RASGEF1A: variants seen among roughly 807,000 people sequenced by gnomAD.
RASGEF1A encodes the protein ras-GEF domain-containing family member 1A.
A neutral mutation model predicts 56.4 loss-of-function variants in RASGEF1A; 18 were observed. The ratio of observed to expected loss-of-function variants is 0.32; its 90% CI spans 0.22 to 0.47. The LOEUF is 0.47. RASGEF1A is among the 20% of genes least tolerant of loss of function. The probability of loss-of-function intolerance (pLI) is 1.00; values close to 1 mark genes in which losing one functional copy is unlikely to be tolerated. For missense variants in RASGEF1A, 422 were observed against 627.1 expected (o/e 0.67, Z 3.49); for synonymous variants, 245 against 242.6 (o/e 1.01, Z -0.09).
chr10:43,228,691 C>T (rs1840315594), intron 1 of RASGEF1A, among the ~76,000 whole-genome samples: 1 of 152,202 alleles, frequency 6.6e-6, no homozygotes, highest in South Asian at 2.1e-4. Flanking sequence ...TGCTAGCTCT[C>T]CTACATTGCT....
intron 1 of RASGEF1A, among the ~76,000 whole-genome samples, chr10:43,227,369 C>T (rs1272245263): frequency 6.6e-6 from 1 of 150,676 alleles, no homozygotes; most frequent in African/African-American, 2.4e-5. Flanking sequence ...CCCCAGTGCC[C>T]CCTGCATCCT....
At chr10:43,234,670 A>G (rs1840409139) in intron 1 of RASGEF1A, among the ~76,000 whole-genome samples, 1 of 152,224 alleles carries the variant, frequency 6.6e-6, no homozygotes, top group Non-Finnish European at 1.5e-5. Context: ...TTACTGGGCC[A>G]CACCACACAG....
rs1196664312 is a variant in RASGEF1A at position 43,194,872 on chromosome 10, A to G, written c.*1372T>C. On this transcript the variant is annotated 3_prime_UTR_variant, in exon 13 of 13. Transcript: ENST00000395810. ...CAATCTGTACTAGCTAGAACCTCAG[A>G]AAGTGCAAACACACTGTGACAATAC... 1 of 152,680 alleles carries G rather than the reference A, an allele frequency of 6.5e-6. No individual in the cohort carries two copies. The highest frequency in any genetic ancestry group is 1.5e-5 in the Non-Finnish European group (1 of 68,060). The allele number at this position is 152,680 out of a possible 1,614,324, so 9.5% of individuals were successfully genotyped here.
chr10:43,199,615 T>A, intron 7 of RASGEF1A, 61 bp downstream of exon 7: 1 of 1,328,832 alleles, frequency 7.5e-7, no homozygotes, highest in South Asian at 1.2e-5. Context: ...TGGGGCAAGA[T>A]CAGGGTCTCA....
intron 1 of RASGEF1A, among the ~76,000 whole-genome samples, chr10:43,254,620 T>G (rs1322176813): frequency 6.6e-6 from 1 of 152,132 alleles, no homozygotes; most frequent in African/African-American, 2.4e-5. Flanking sequence ...GGGCCTCAGC[T>G]GCTGGCAGAA....
At chr10:43,229,528 G>A in intron 1 of RASGEF1A, 2 of 922,024 alleles carry the variant, frequency 2.2e-6, no homozygotes, top group Non-Finnish European at 1.6e-6. Context: ...CTCAGGGCGG[G>A]CACCCTCCCG....
chr10:43,241,059 A>G (rs1237740819), intron 1 of RASGEF1A, among the ~76,000 whole-genome samples: 1 of 152,254 alleles, frequency 6.6e-6, no homozygotes, highest in Non-Finnish European at 1.5e-5. Flanking sequence ...CCTGCCTTAT[A>G]AGAACTACTA....
At chr10:43,202,812 C>T (rs1252957040) in intron 3 of RASGEF1A, 2 of 434,380 alleles carry the variant, frequency 4.6e-6, no homozygotes, top group Admixed American at 4.8e-5. Context: ...AGACCTCACC[C>T]CAGCCTGGTG....
Position 43,196,206 on chromosome 10 carries a change from T to A in RASGEF1A, c.*38A>T, listed in dbSNP as rs769205848. ...TCAGTCAAAATTTAAACCCAGTTAG[T>A]GCACGTGCTTCCTCTGGCGTCGCGG... On this transcript the variant is annotated 3_prime_UTR_variant, in exon 13 of 13. Coordinates refer to ENST00000395810, the MANE Select transcript of RASGEF1A (RefSeq NM_145313.4). The surrounding 1 kb of genome is among the most constrained non-coding windows in gnomAD (Gnocchi z 4.6). 3 of 1,608,582 alleles carry A rather than the reference T, an allele frequency of 1.9e-6. No individual in the cohort carries two copies. Among genetic ancestry groups the A allele is most frequent in the Non-Finnish European group, 2.6e-6 (3 of 1,176,342 alleles).
At chr10:43,241,346 C>A (rs928489815) in intron 1 of RASGEF1A, among the ~76,000 whole-genome samples, 1 of 152,094 alleles carries the variant, frequency 6.6e-6, no homozygotes, top group Admixed American at 6.5e-5. Context: ...GATTGATGAG[C>A]ACACAAGGTA....
At chr10:43,263,437 T>A (rs923290372) in intron 1 of RASGEF1A, among the ~76,000 whole-genome samples, 3 of 152,114 alleles carry the variant, frequency 2.0e-5, no homozygotes, top group Non-Finnish European at 2.9e-5. Flanking sequence ...TGAGCAAGTT[T>A]CGTTGTTTTT....
Position 43,195,322 on chromosome 10 carries a change from T to C in RASGEF1A, c.*922A>G, listed in dbSNP as rs1839780792. 6.6e-6 allele frequency: 1 copy of C among 152,206 alleles called. No homozygotes were observed. The highest frequency in any genetic ancestry group is 1.5e-5 in the Non-Finnish European group (1 of 68,064). The allele number at this position is 152,206 out of a possible 1,614,324, so 9.4% of individuals were successfully genotyped here. On this transcript the variant is annotated 3_prime_UTR_variant, in exon 13 of 13. Transcript: ENST00000395810. The surrounding 1 kb of genome is among the most constrained non-coding windows in gnomAD (Gnocchi z 4.2). ...GCCTGGCGAATTTTCTGTTTCCAAT[T>C]CCAATTAGGGCGCTGCCTACCCAGG... is the stretch of plus-strand genomic sequence containing the variant.
intron 1 of RASGEF1A, among the ~76,000 whole-genome samples, chr10:43,210,673 C>G (rs1485593438): frequency 6.6e-6 from 1 of 152,240 alleles, no homozygotes; most frequent in African/African-American, 2.4e-5. Context: ...TCAGCTGCTC[C>G]TGGCTGCACC....
chr10:43,256,204 G>C (rs908064371), intron 1 of RASGEF1A, among the ~76,000 whole-genome samples: 7 of 152,030 alleles, frequency 4.6e-5, no homozygotes, highest in Admixed American at 1.3e-4. Context: ...TGCTGAGGGG[G>C]CCTGGAGCCA....
chr10:43,205,542 G>A (rs777596724), intron 2 of RASGEF1A, among the ~76,000 whole-genome samples: 5 of 152,152 alleles, frequency 3.3e-5, no homozygotes, highest in South Asian at 2.1e-4. Flanking sequence ...TCGGCTGGGC[G>A]TGCCCTCGCC....
chr10:43,254,199 G>C (rs752753127), intron 1 of RASGEF1A, among the ~76,000 whole-genome samples: 2 of 152,230 alleles, frequency 1.3e-5, no homozygotes, highest in African/African-American at 4.8e-5. Flanking sequence ...ACACTTCAGG[G>C]AGGGCGGGAG....
At chr10:43,257,074 G>A (rs536560707) in intron 1 of RASGEF1A, among the ~76,000 whole-genome samples, 4 of 152,270 alleles carry the variant, frequency 2.6e-5, no homozygotes, top group African/African-American at 7.2e-5. Context: ...GTTGTGATCC[G>A]ACATCTCTCC....
At chr10:43,200,565 T>C in intron 5 of RASGEF1A, 102 bp downstream of exon 5, 1 of 1,082,768 alleles carries the variant, frequency 9.2e-7, no homozygotes, top group Non-Finnish European at 1.3e-6. Context: ...CGCACTTCCC[T>C]GATGGCTCAG....
chr10:43,248,594 C>G (rs1588950122), intron 1 of RASGEF1A, among the ~76,000 whole-genome samples: 1 of 152,294 alleles, frequency 6.6e-6, no homozygotes, highest in East Asian at 1.9e-4. Context: ...AGAATGGTCT[C>G]ACTGCAGGCT....
Sources: gnomAD v4.1 joint callset for allele counts (sites outside exome capture counted in the v4.1 genomes callset) on GRCh38, gnomAD v4.1.1 for gene constraint, Gnocchi (gnomAD v3.1) non-coding constraint, MANE v1.5 for transcripts, NCBI Gene and HGNC (gene_info 2026-07-23, HGNC 2026-07-21) for gene names.